BARX2: variants seen among roughly 807,000 people sequenced by gnomAD.
BARX2 encodes homeobox protein BarH-like 2.
A neutral mutation model predicts 25.5 loss-of-function variants in BARX2; 11 were observed. The observed-to-expected ratio is 0.43, with a 90% CI of 0.27 to 0.71. The LOEUF is 0.71. BARX2 is among the 30% of genes least tolerant of loss of function. The pLI is 0.19. For synonymous variants in BARX2, 137 were observed against 149.5 expected, an observed-to-expected ratio of 0.92 and a Z score of 0.61; for missense variants, 360 against 359.9, an observed-to-expected ratio of 1.00 and a Z score of 0.00.
chr11:129,417,142 C>T (rs551358366), intron 1 of BARX2, among the ~76,000 whole-genome samples: 2 of 152,124 alleles, frequency 1.3e-5, no homozygotes, highest in Admixed American at 1.3e-4. Flanking sequence ...ACCTCGTGAT[C>T]CACCCACCTT....
In BARX2 at chr11:129,376,279, T is replaced by C; in HGVS notation, c.187+57T>C. 6.8e-7 allele frequency: 1 copy of C among 1,474,318 alleles called. No individual in the cohort carries two copies. The highest frequency in any genetic ancestry group is 1.3e-5 in the South Asian group (1 of 78,494). 91.3% of individuals were successfully genotyped at this position (1,474,318 alleles called of 1,614,324 possible). A position where few individuals can be genotyped will look rare whatever the true frequency, so the allele number is the denominator to read the frequency against. On this transcript the variant is annotated intron_variant, in intron 1 of 3. Transcript: ENST00000281437. The surrounding 1 kb of genome is among the most constrained non-coding windows in gnomAD (Gnocchi z 4.2). ...TCGGTAGCTTTCACGTCCGTGTAGG[T>C]GGCCTGTGCTTTGCGATCCGAGGGC...
At chr11:129,418,089 T>C (rs1355132997) in intron 1 of BARX2, among the ~76,000 whole-genome samples, 1 of 152,204 alleles carries the variant, frequency 6.6e-6, no homozygotes, top group Non-Finnish European at 1.5e-5. Flanking sequence ...GAAGCATTTA[T>C]TTGTTTTTGC....
At chr11:129,392,999 G>GGTT (rs1861681166) in intron 1 of BARX2, among the ~76,000 whole-genome samples, 1 of 152,098 alleles carries the variant, frequency 6.6e-6, no homozygotes, top group Non-Finnish European at 1.5e-5. Flanking sequence ...GGCCAGAAAT[G>GGTT]GTTGTTCATG....
At chr11:129,399,380 C>T (rs1310404358) in intron 1 of BARX2, among the ~76,000 whole-genome samples, 4 of 152,046 alleles carry the variant, frequency 2.6e-5, no homozygotes, top group Non-Finnish European at 4.4e-5. Flanking sequence ...TCTCTCTCTA[C>T]CTCTCTGTCT....
intron 1 of BARX2, among the ~76,000 whole-genome samples, chr11:129,429,039 T>C (rs1337430459): frequency 6.6e-6 from 1 of 151,862 alleles, no homozygotes; most frequent in Non-Finnish European, 1.5e-5. Context: ...GATTTTTCAT[T>C]AGGTTTAAGC....
chr11:129,391,784 C>T (rs1486526192), intron 1 of BARX2, among the ~76,000 whole-genome samples: 1 of 152,182 alleles, frequency 6.6e-6, no homozygotes, highest in African/African-American at 2.4e-5. Flanking sequence ...TAGAATTCAA[C>T]AAAGTATTTT....
At chr11:129,403,742 A>G (rs1861800975) in intron 1 of BARX2, among the ~76,000 whole-genome samples, 1 of 152,096 alleles carries the variant, frequency 6.6e-6, no homozygotes, top group Non-Finnish European at 1.5e-5. Context: ...TTTTTTAGAG[A>G]CAGGATCTCA....
At chr11:129,393,259 T>C (rs10791006) in intron 1 of BARX2, among the ~76,000 whole-genome samples, 87,989 of 151,496 alleles carry the variant, frequency 0.58, 28,342 homozygotes, top group Middle Eastern at 0.73. Flanking sequence ...ACAAAAAGAG[T>C]GGAGGAACAG....
intron 1 of BARX2, among the ~76,000 whole-genome samples, chr11:129,433,706 A>G (rs11823666): frequency 0.12 from 17,935 of 152,118 alleles, 1,326 homozygotes; most frequent in African/African-American, 0.21. Flanking sequence ...GCTTACCTGC[A>G]GAAGGGTCAT....
At chr11:129,401,086 C>T (rs1861770926) in intron 1 of BARX2, among the ~76,000 whole-genome samples, 1 of 152,152 alleles carries the variant, frequency 6.6e-6, no homozygotes, top group Non-Finnish European at 1.5e-5. Context: ...CACTAAGAAA[C>T]ATATTCTGGA....
chr11:129,436,695 G>C lies in BARX2; in HGVS notation c.188-56G>C. The C allele has an allele frequency of 6.6e-7, 1 of 1,515,986 alleles. No homozygotes were observed. The highest frequency in any genetic ancestry group is 1.9e-4 in the Middle Eastern group (1 of 5,232). The allele number at this position is 1,515,986 out of a possible 1,614,324, so 93.9% of individuals were successfully genotyped here. On this transcript the variant is annotated intron_variant, in intron 1 of 3. Coordinates refer to ENST00000281437, the MANE Select transcript of BARX2 (RefSeq NM_003658.5). This position sits in a 1 kb window ranked among gnomAD's most constrained non-coding sequence, Gnocchi z 4.5. The stretch of plus-strand genomic sequence containing the variant: ...CAGCCAGCGGCCCTCCGCAGGTCCT[G>C]GCCTGCTTCCCCACACCGTTCCCTG...
intron 1 of BARX2, among the ~76,000 whole-genome samples, chr11:129,386,410 G>A (rs897850578): frequency 2.6e-5 from 4 of 152,166 alleles, no homozygotes; most frequent in African/African-American, 7.2e-5. Context: ...AAATGTTAAC[G>A]TGTAGCTTCT....
chr11:129,446,320 A>G (rs574470024), intron 3 of BARX2, among the ~76,000 whole-genome samples: 2 of 152,240 alleles, frequency 1.3e-5, no homozygotes, highest in African/African-American at 4.8e-5. Flanking sequence ...ATTCATGGTC[A>G]TTATCTTTCT....
chr11:129,449,715 C>A (rs937008312), intron 3 of BARX2, among the ~76,000 whole-genome samples: 3 of 152,146 alleles, frequency 2.0e-5, no homozygotes, highest in African/African-American at 7.2e-5. Context: ...TATATCTTTT[C>A]TCGACTCTAG....
chr11:129,399,001 T>G (rs979843315), intron 1 of BARX2, among the ~76,000 whole-genome samples: 2 of 152,170 alleles, frequency 1.3e-5, no homozygotes, highest in African/African-American at 4.8e-5. Flanking sequence ...TGAGCACCAT[T>G]CTGGAATTGC....
intron 2 of BARX2, among the ~76,000 whole-genome samples, chr11:129,439,861 G>A (rs894758754): frequency 4.6e-5 from 7 of 152,132 alleles, no homozygotes; most frequent in Non-Finnish European, 8.8e-5. Context: ...TGTCAGACGG[G>A]CTTCAGCGTG....
rs150164495 is a variant in BARX2 at position 129,428,502 on chromosome 11, G to C, written c.188-8249G>C. On this transcript the variant is annotated intron_variant, in intron 1 of 3. Transcript: ENST00000281437. ...TCACAGTACTTTTTTGCAAGAGTAG[G>C]AAATGTTGGAATGCAAGCGCTTTGT... 1.1e-4 allele frequency among the ~76,000 whole-genome samples: 17 copies of C among 152,298 alleles called. No individual in the cohort carries two copies. In the East Asian group the frequency reaches 3.1e-3, roughly 28 times the overall value.
intron 1 of BARX2, among the ~76,000 whole-genome samples, chr11:129,421,560 A>C (rs1862004379): frequency 6.6e-6 from 1 of 152,242 alleles, no homozygotes; most frequent in Non-Finnish European, 1.5e-5. Flanking sequence ...ATTCCATAGA[A>C]GTCATATAAC....
intron 1 of BARX2, among the ~76,000 whole-genome samples, chr11:129,426,844 G>A (rs890894347): frequency 2.0e-5 from 3 of 151,702 alleles, no homozygotes; most frequent in African/African-American, 7.3e-5. Context: ...GTAACTATTT[G>A]GGGAGTGTTG....
Sources: gnomAD v4.1 joint callset for allele counts (sites outside exome capture counted in the v4.1 genomes callset) on GRCh38, gnomAD v4.1.1 for gene constraint, Gnocchi (gnomAD v3.1) non-coding constraint, MANE v1.5 for transcripts, NCBI Gene and HGNC (gene_info 2026-07-23, HGNC 2026-07-21) for gene names.